PCDHAC2: variants seen among roughly 807,000 people sequenced by gnomAD.
PCDHAC2 encodes the protein protocadherin alpha subfamily C, 2, also known as protocadherin alpha-C2.
In PCDHAC2, 24 loss-of-function variants were observed where a neutral mutation model predicts 63.3. That is an observed-to-expected ratio of 0.38 (90% confidence interval 0.27 to 0.53). The LOEUF is 0.53. Ranked by LOEUF, PCDHAC2 falls within the 20% of genes least tolerant of loss-of-function variation. PCDHAC2 has a pLI of 0.81. For synonymous variants in PCDHAC2, 569 were observed against 529.4 expected (o/e 1.07, Z -1.03); for missense variants, 1,181 against 1,275.2 (o/e 0.93, Z 1.12).
intron 1 of PCDHAC2, 55 bp downstream of exon 1, chr5:140,969,386 C>T (rs782109093): frequency 2.5e-6 from 4 of 1,596,966 alleles, no homozygotes; most frequent in South Asian, 1.1e-5. Flanking sequence ...TACACATCCC[C>T]CAATATCCTG....
rs1554229137 is a variant in PCDHAC2 at position 140,967,073 on chromosome 5, G to A, written c.307G>A (p.Glu103Lys). The A allele has an allele frequency of 6.2e-7, 1 of 1,613,160 alleles. No individual in the cohort carries two copies. Among genetic ancestry groups the A allele is most frequent in the South Asian group, 1.1e-5 (1 of 91,050 alleles). The change falls in exon 1 of 4, where the codon GAG becomes AAG. Residue 103 changes from glutamate to lysine, a missense_variant. Glu to Lys is a moderately conservative substitution (Grantham distance 56). This residue lies in a region of PCDHAC2 where 210 missense variants were observed against 184.9 expected (regional missense o/e 1.14). Coordinates refer to ENST00000289269, the MANE Select transcript of PCDHAC2 (RefSeq NM_018899.6). ...GACGAGTGGAGCGCTCTTCGTCAACGAGCGCATTGATCGGGAGGCGCTGTG... is the reference window on the plus strand; with the variant it reads ...GACGAGTGGAGCGCTCTTCGTCAACAAGCGCATTGATCGGGAGGCGCTGTG... Reference protein sequence around the residue: ...DLTSGALFVNERIDREALCEQ... With the variant: ...DLTSGALFVNKRIDREALCEQ...
At chr5:140,997,335 A>G (rs2097768018) in intron 3 of PCDHAC2, among the ~76,000 whole-genome samples, 1 of 152,230 alleles carries the variant, frequency 6.6e-6, no homozygotes, top group African/African-American at 2.4e-5. Context: ...TTCGTTGTAC[A>G]AATATCATAG....
intron 3 of PCDHAC2, among the ~76,000 whole-genome samples, chr5:140,987,698 A>T (rs1213489735): frequency 6.6e-6 from 1 of 152,142 alleles, no homozygotes; most frequent in African/African-American, 2.4e-5. Flanking sequence ...TTTTTAAATG[A>T]TTTTTCCAGG....
At chr5:140,996,098 A>G (rs1173929406) in intron 3 of PCDHAC2, among the ~76,000 whole-genome samples, 1 of 152,214 alleles carries the variant, frequency 6.6e-6, no homozygotes, top group Non-Finnish European at 1.5e-5. Context: ...ATTACATGGA[A>G]TGGTATGGAA....
intron 3 of PCDHAC2, among the ~76,000 whole-genome samples, chr5:141,008,684 G>A (rs1426948038): frequency 2.0e-5 from 3 of 152,236 alleles, no homozygotes; most frequent in South Asian, 4.2e-4. Flanking sequence ...TTTAGTTATT[G>A]CATGTATTAA....
rs199714982 is a variant in PCDHAC2, at chr5:140,967,252, G to T, written c.486G>T (p.Ala162=). Residue 162 remains alanine (A), a synonymous_variant, in exon 1 of 4, where the codon GCG becomes GCT. Coordinates refer to ENST00000289269, the MANE Select transcript of PCDHAC2 (RefSeq NM_018899.6). ...AGCTTCAGGTAAGCGAATCGGTGGC[G>T]CCTGGAGCGCGCTTTCACATAGAGA... ...NYQLQVSESV[A]PGARFHIESA... 6.0e-5 allele frequency: 97 copies of T among 1,613,386 alleles called. 1 individual carries two copies. Among genetic ancestry groups the T allele is most frequent in the Non-Finnish European group, 8.0e-5 (94 of 1,179,870 alleles).
intron 3 of PCDHAC2, among the ~76,000 whole-genome samples, chr5:141,007,652 A>T (rs2098338412): frequency 6.6e-6 from 1 of 152,112 alleles, no homozygotes; most frequent in African/African-American, 2.4e-5. Flanking sequence ...TGCCTAAAAA[A>T]CCATAAATTT....
At chr5:140,989,863 TTCTC>T (rs2097364159) in intron 3 of PCDHAC2, among the ~76,000 whole-genome samples, 1 of 151,988 alleles carries the variant, frequency 6.6e-6, no homozygotes, top group Non-Finnish European at 1.5e-5. Flanking sequence ...AGAGGAATCT[TTCTC>T]TGCCTCAGCA....
chr5:141,000,776 G>A (rs1455881211), intron 3 of PCDHAC2, among the ~76,000 whole-genome samples: 1 of 151,562 alleles, frequency 6.6e-6, no homozygotes, highest in Non-Finnish European at 1.5e-5. Context: ...GCATAGTGGC[G>A]CACACCTGTA....
chr5:140,977,750 G>A (rs2096773664), intron 1 of PCDHAC2, among the ~76,000 whole-genome samples: 1 of 152,142 alleles, frequency 6.6e-6, no homozygotes, highest in South Asian at 2.1e-4. Context: ...GAAGAAATGT[G>A]TTTATTAAAT....
intron 3 of PCDHAC2, among the ~76,000 whole-genome samples, chr5:140,986,633 C>T (rs566373023): frequency 5.9e-5 from 9 of 152,266 alleles, no homozygotes; most frequent in Admixed American, 3.3e-4. Context: ...GGCAACAGTA[C>T]ATTAGTTTTA....
At chr5:140,977,043 T>G (rs2096743110) in intron 1 of PCDHAC2, among the ~76,000 whole-genome samples, 1 of 152,226 alleles carries the variant, frequency 6.6e-6, no homozygotes. Flanking sequence ...AGGATGTTGT[T>G]GCTGATGGAC....
In PCDHAC2 at chr5:140,972,718, C is replaced by T. The variant is rs921637217; in HGVS notation, c.2565+3387C>T. Among the ~76,000 whole-genome samples the T allele has an allele frequency of 9.2e-5, 13 of 142,004 alleles. No individual in the cohort carries two copies. In the East Asian group the frequency reaches 2.5e-3, roughly 27 times the overall value. The allele number at this position is 142,004 out of a possible 152,430, so 93.2% of individuals were successfully genotyped here. A position where few individuals can be genotyped will look rare whatever the true frequency, so the allele number is the denominator to read the frequency against. Reference sequence around the variant, plus strand: ...CTCACTCTGTTGCCAGGCTGGAGTGCAGTGGCGTAATCCCGGCTCACTGCA... The same window carrying T: ...CTCACTCTGTTGCCAGGCTGGAGTGTAGTGGCGTAATCCCGGCTCACTGCA... On this transcript the variant is annotated intron_variant, in intron 1 of 3. Coordinates refer to ENST00000289269, the MANE Select transcript of PCDHAC2 (RefSeq NM_018899.6).
intron 3 of PCDHAC2, among the ~76,000 whole-genome samples, chr5:140,997,912 A>T (rs2097790316): frequency 1.3e-5 from 2 of 152,224 alleles, no homozygotes. Context: ...GTAGAATTAC[A>T]GAATCATAGG....
At position 141,010,447 on chromosome 5, in the gene PCDHAC2, A is replaced by G. The variant is rs1343052000; in HGVS notation, c.*510A>G. On this transcript the variant is annotated 3_prime_UTR_variant, in exon 4 of 4. Coordinates refer to ENST00000289269, the MANE Select transcript of PCDHAC2 (RefSeq NM_018899.6). Reference sequence around the variant, plus strand: ...GGCAAGAAAACAAAGACAAATAAACAGCGGAAGTTATCAGTATGGAGGGGA... The same window carrying G: ...GGCAAGAAAACAAAGACAAATAAACGGCGGAAGTTATCAGTATGGAGGGGA... 2 of 935,278 alleles carry G rather than the reference A, an allele frequency of 2.1e-6. No homozygotes were observed. Among genetic ancestry groups the G allele is most frequent in the Non-Finnish European group, 3.1e-6 (2 of 648,428 alleles). The allele number at this position is 935,278 out of a possible 1,614,324, so 57.9% of individuals were successfully genotyped here.
Position 141,010,368 on chromosome 5 carries a change from C to G in PCDHAC2, c.*431C>G, listed in dbSNP as rs368481822. 3,124 of 1,471,046 alleles carry G rather than the reference C, an allele frequency of 2.1e-3. 5 individuals are homozygous for G. Among genetic ancestry groups the G allele is most frequent in the Middle Eastern group, 8.7e-3 (36 of 4,144 alleles). The allele number at this position is 1,471,046 out of a possible 1,614,324, so 91.1% of individuals were successfully genotyped here. A position where few individuals can be genotyped will look rare whatever the true frequency, so the allele number is the denominator to read the frequency against. On this transcript the variant is annotated 3_prime_UTR_variant, in exon 4 of 4. Coordinates refer to ENST00000289269, the MANE Select transcript of PCDHAC2 (RefSeq NM_018899.6). ...GGTATGTGTGGCTACCGCGGGTATG[C>G]GAGTGCCAGATATTGGCTGAGACGA...
chr5:140,991,191 A>G (rs1316296536), intron 3 of PCDHAC2, among the ~76,000 whole-genome samples: 2 of 152,218 alleles, frequency 1.3e-5, no homozygotes, highest in South Asian at 2.1e-4. Flanking sequence ...CTAGCACACA[A>G]TGATGCTCAA....
chr5:140,975,890 T>C (rs542825387), intron 1 of PCDHAC2, among the ~76,000 whole-genome samples: 1 of 152,310 alleles, frequency 6.6e-6, no homozygotes, highest in South Asian at 2.1e-4. Flanking sequence ...TTTCCACATA[T>C]GGAGTTTTGT....
intron 3 of PCDHAC2, among the ~76,000 whole-genome samples, chr5:140,990,330 A>C (rs1554251426): frequency 6.6e-6 from 1 of 152,122 alleles, no homozygotes; most frequent in African/African-American, 2.4e-5. Context: ...AAACTTTAAA[A>C]ATAAGTAAAG....
Sources: gnomAD v4.1 joint callset for allele counts (sites outside exome capture counted in the v4.1 genomes callset) on GRCh38, gnomAD v4.1.1 for gene constraint, gnomAD v4.1.1 regional missense constraint, MANE v1.5 for transcripts, NCBI Gene and HGNC (gene_info 2026-07-23, HGNC 2026-07-21) for gene names.